IPP: variants seen among roughly 807,000 people sequenced by gnomAD.
IPP encodes the protein actin-binding protein IPP.
A neutral mutation model predicts 64.1 loss-of-function variants in IPP; 41 were observed. That is an observed-to-expected ratio of 0.64 (90% CI 0.50 to 0.83). The LOEUF (loss-of-function observed/expected upper bound fraction) is 0.83, where lower values mean the gene tolerates loss of function less well. Ranked by LOEUF, IPP falls within the 40% of genes least tolerant of loss-of-function variation. The pLI is 0.00. For synonymous variants in IPP, 214 were observed against 235.2 expected (o/e 0.91, Z 0.83); for missense variants, 649 against 703.0 (o/e 0.92, Z 0.87).
chr1:45,729,501 C>T, intron 4 of IPP, 113 bp downstream of exon 4: 2 of 766,496 alleles, frequency 2.6e-6, no homozygotes, highest in Non-Finnish European at 4.4e-6. Context: ...TTAAATATGC[C>T]TCTTCAACAC....
chr1:45,723,641 T>C (rs1428479192), intron 5 of IPP, among the ~76,000 whole-genome samples: 1 of 152,200 alleles, frequency 6.6e-6, no homozygotes, highest in East Asian at 1.9e-4. Context: ...CTTGTTGGAA[T>C]TTTCTGTTGC....
At chr1:45,747,197 G>C (rs1211970327) in intron 1 of IPP, among the ~76,000 whole-genome samples, 2 of 151,902 alleles carry the variant, frequency 1.3e-5, no homozygotes, top group Non-Finnish European at 2.9e-5. Context: ...TTTAGCACCA[G>C]TATATAACAT....
intron 8 of IPP, 110 bp from the exon 9 acceptor site, chr1:45,700,300 C>G: frequency 7.2e-7 from 1 of 1,389,782 alleles, no homozygotes; most frequent in South Asian, 1.5e-5. Flanking sequence ...AAATGTAAAA[C>G]TATCTAGTCA....
chr1:45,696,955 A>G (rs1480138701), downstream of IPP: 3 of 152,240 alleles, frequency 2.0e-5, no homozygotes, highest in African/African-American at 7.2e-5. Flanking sequence ...TTCAGTTGCT[A>G]CTAGACAATG....
chr1:45,724,107 G>C (rs1047346112), intron 5 of IPP, among the ~76,000 whole-genome samples: 1 of 151,244 alleles, frequency 6.6e-6, no homozygotes, highest in Non-Finnish European at 1.5e-5. Context: ...TCAGCCTGCC[G>C]AGCGCCTGCA....
rs1273234520 is a variant in IPP at position 45,740,900 on chromosome 1, C to A, written c.724+1G>T. Reference sequence around the variant, plus strand: ...AATTCGATATATAGCAAAAAAGTTACCTTCTATATACTTTAAAAGTCTCTG... The same window carrying A: ...AATTCGATATATAGCAAAAAAGTTAACTTCTATATACTTTAAAAGTCTCTG... On this transcript the variant is annotated splice_donor_variant, in intron 3 of 8. Transcript: ENST00000396478. LOFTEE classifies it high-confidence loss of function. 6.5e-7 allele frequency: 1 copy of A among 1,542,738 alleles called. No individual in the cohort carries two copies. Among genetic ancestry groups the A allele is most frequent in the East Asian group, 2.3e-5 (1 of 44,282 alleles).
intron 6 of IPP, among the ~76,000 whole-genome samples, chr1:45,717,420 T>C (rs1399594911): frequency 2.0e-5 from 3 of 152,108 alleles, no homozygotes; most frequent in Non-Finnish European, 4.4e-5. Context: ...GCTCCAAACC[T>C]AATCAGAGTA....
chr1:45,748,504 C>A (rs948565636), intron 1 of IPP, among the ~76,000 whole-genome samples: 1 of 151,766 alleles, frequency 6.6e-6, no homozygotes, highest in Admixed American at 6.6e-5. Context: ...CCTGTCTCTA[C>A]TAAAAATACA....
chr1:45,701,324 G>T (rs1645453095), intron 8 of IPP, among the ~76,000 whole-genome samples: 1 of 150,948 alleles, frequency 6.6e-6, no homozygotes. Context: ...TCTCGCTCTT[G>T]TTGCCCAGGC....
intron 3 of IPP, among the ~76,000 whole-genome samples, chr1:45,740,469 C>T (rs993110742): frequency 1.3e-5 from 2 of 151,978 alleles, no homozygotes; most frequent in South Asian, 4.1e-4. Context: ...CCCCATCTCC[C>T]TCCCGAACGG....
chr1:45,726,417 G>A (rs115442612), intron 5 of IPP, among the ~76,000 whole-genome samples: 4,790 of 152,064 alleles, frequency 0.031, 249 homozygotes, highest in African/African-American at 0.11. Flanking sequence ...GAGATCACCA[G>A]ATCATGCCAT....
intron 1 of IPP, among the ~76,000 whole-genome samples, chr1:45,750,344 G>C (rs181163724): frequency 2.0e-5 from 3 of 152,204 alleles, no homozygotes; most frequent in African/African-American, 7.2e-5. Flanking sequence ...CGACAACAGA[G>C]GGACTGGGGA....
At chr1:45,738,598 T>C (rs940759115) in intron 3 of IPP, among the ~76,000 whole-genome samples, 1 of 152,026 alleles carries the variant, frequency 6.6e-6, no homozygotes, top group African/African-American at 2.4e-5. Context: ...CCCAGCACTT[T>C]GGGAGGCCGA....
chr1:45,705,416 G>A (rs1645501942), intron 8 of IPP, among the ~76,000 whole-genome samples: 1 of 152,140 alleles, frequency 6.6e-6, no homozygotes, highest in Admixed American at 6.6e-5. Context: ...GACACAGGAG[G>A]GATTTCCATT....
chr1:45,695,205 C>G (rs1472272308), downstream of IPP, among the ~76,000 whole-genome samples: 1 of 152,146 alleles, frequency 6.6e-6, no homozygotes, highest in Non-Finnish European at 1.5e-5. Context: ...CTCACTCTTG[C>G]TCAGGCCAGA....
chr1:45,715,444 A>C (rs576885903), intron 7 of IPP, among the ~76,000 whole-genome samples: 110 of 152,184 alleles, frequency 7.2e-4, no homozygotes, highest in African/African-American at 2.6e-3. Flanking sequence ...GATTGTGATC[A>C]TCCTGGCTAA....
chr1:45,717,120 C>A, intron 6 of IPP, 103 bp from the exon 7 acceptor site: 1 of 1,012,002 alleles, frequency 9.9e-7, no homozygotes, highest in South Asian at 1.5e-5. Context: ...TTATAGATAT[C>A]ACATGAGCCA....
chr1:45,706,351 G>A (rs1645512083), intron 8 of IPP, among the ~76,000 whole-genome samples: 1 of 152,174 alleles, frequency 6.6e-6, no homozygotes, highest in South Asian at 2.1e-4. Flanking sequence ...TGTAGTCCCA[G>A]CTTACTTGGA....
At chr1:45,712,087 G>A (rs563711483) in intron 8 of IPP, among the ~76,000 whole-genome samples, 15 of 151,690 alleles carry the variant, frequency 9.9e-5, no homozygotes, top group Non-Finnish European at 1.6e-4. Context: ...AGGCCGAGTC[G>A]GGTGGATTGC....
Sources: allele counts gnomAD v4.1 joint callset (sites outside exome capture counted in the v4.1 genomes callset), GRCh38; gene constraint gnomAD v4.1.1; transcripts MANE v1.5; gene names NCBI Gene and HGNC (gene_info 2026-07-23, HGNC 2026-07-21).